The following CNOT6L variants were observed in gnomAD, a reference collection of about 807,000 sequenced individuals.
The protein encoded by CNOT6L is CCR4-NOT transcription complex subunit 6-like.
A neutral mutation model predicts 64.0 loss-of-function variants in CNOT6L; 7 were observed. The observed-to-expected ratio is 0.11, with a 90% CI of 0.06 to 0.21. The LOEUF is 0.21. CNOT6L is among the 10% of genes least tolerant of loss of function. The pLI, the probability that CNOT6L is intolerant of heterozygous loss-of-function variation, is 1.00. For synonymous variants in CNOT6L, 193 were observed against 243.4 expected, an observed-to-expected ratio of 0.79 and a Z score of 1.93; for missense variants, 245 against 669.0, an observed-to-expected ratio of 0.37 and a Z score of 6.99.
chr4:77,805,586 A>G (rs577899694), intron 1 of CNOT6L, among the ~76,000 whole-genome samples: 3 of 152,342 alleles, frequency 2.0e-5, no homozygotes, highest in African/African-American at 4.8e-5. Flanking sequence ...CAAAATATCT[A>G]TATGTACCAG....
chr4:77,722,023 T>G (rs182669388), intron 11 of CNOT6L, among the ~76,000 whole-genome samples: 1 of 152,078 alleles, frequency 6.6e-6, no homozygotes, highest in East Asian at 1.9e-4. Context: ...AACCTTACTT[T>G]ACCACAAATT....
At chr4:77,818,946 C>T (rs1286298325) in intron 1 of CNOT6L, 1 of 643,222 alleles carries the variant, frequency 1.6e-6, no homozygotes. Context: ...CAGCCCTCCC[C>T]GGCCGGCCCC....
At chr4:77,745,510 C>T (rs140375363) in intron 6 of CNOT6L, among the ~76,000 whole-genome samples, 105 of 152,288 alleles carry the variant, frequency 6.9e-4, no homozygotes, top group Middle Eastern at 3.4e-3. Flanking sequence ...TAATCAATCA[C>T]CTGGGAATTT....
At chr4:77,731,196 G>C (rs543217677) in intron 9 of CNOT6L, among the ~76,000 whole-genome samples, 191 bp downstream of exon 9, 23 of 152,104 alleles carry the variant, frequency 1.5e-4, no homozygotes, top group African/African-American at 5.1e-4. Flanking sequence ...CTGTGATAGA[G>C]AGCACAAAAT....
At chr4:77,780,567 G>A (rs558370645) in intron 1 of CNOT6L, among the ~76,000 whole-genome samples, 28 of 152,210 alleles carry the variant, frequency 1.8e-4, no homozygotes, top group Middle Eastern at 3.4e-3. Context: ...ATTTCTTAGC[G>A]TGTCTCCTAC....
intron 1 of CNOT6L, among the ~76,000 whole-genome samples, chr4:77,784,615 C>T (rs780156415): frequency 6.6e-6 from 1 of 151,780 alleles, no homozygotes; most frequent in Non-Finnish European, 1.5e-5. Context: ...GTCTGAGTAC[C>T]GAGGACTACA....
intron 4 of CNOT6L, among the ~76,000 whole-genome samples, chr4:77,769,552 TATTG>T (rs968887503): frequency 1.1e-4 from 16 of 152,162 alleles, no homozygotes; most frequent in Non-Finnish European, 1.5e-5. Context: ...TTCTTTTTCT[TATTG>T]ATTTTTAGAA....
Position 77,773,172 on chromosome 4 carries a change from T to A in CNOT6L, c.315-6A>T, listed in dbSNP as rs1560415718. ...TGTTATTTAAAAGCAATTCCCTGTT[T>A]TAAAAAAAAAAAAAAAATTAGTTTA... is the stretch of plus-strand genomic sequence containing the variant. On this transcript the variant is annotated splice_region_variant and splice_polypyrimidine_tract_variant and intron_variant, in intron 3 of 11. Coordinates refer to ENST00000504123, the MANE Select transcript of CNOT6L (RefSeq NM_144571.3). 5 of 1,526,562 alleles carry A rather than the reference T, an allele frequency of 3.3e-6. No homozygotes were observed. The East Asian group carries it at 9.5e-5, about 29-fold the overall frequency. 94.6% of individuals were successfully genotyped at this position (1,526,562 alleles called of 1,614,324 possible). A position where few individuals can be genotyped will look rare whatever the true frequency, so the allele number is the denominator to read the frequency against.
intron 8 of CNOT6L, among the ~76,000 whole-genome samples, chr4:77,732,146 G>C (rs1013897498): frequency 1.3e-5 from 2 of 152,072 alleles, no homozygotes; most frequent in Non-Finnish European, 2.9e-5. Flanking sequence ...AAGTTGCAAT[G>C]GGGTATAAGT....
rs369828508 is a variant in CNOT6L at position 77,749,634 on chromosome 4, C to A, written c.491-1250G>T. Among the ~76,000 whole-genome samples, 10 of 152,236 alleles carry A rather than the reference C, an allele frequency of 6.6e-5. No individual in the cohort carries two copies. The East Asian group carries it at 7.7e-4, about 12-fold the overall frequency. ...TTAAGTATAACGCAATCAACAATATCCAAAGAGCCAAAAACATAATATGAG... is the reference window on the plus strand; with the variant it reads ...TTAAGTATAACGCAATCAACAATATACAAAGAGCCAAAAACATAATATGAG... On this transcript the variant is annotated intron_variant, in intron 5 of 11. Transcript: ENST00000504123.
intron 4 of CNOT6L, among the ~76,000 whole-genome samples, chr4:77,758,628 C>T (rs926697185): frequency 4.6e-5 from 7 of 152,258 alleles, no homozygotes; most frequent in Admixed American, 1.3e-4. Flanking sequence ...AAGTCCACAG[C>T]TAGAACTAGA....
At chr4:77,816,881 T>C (rs1342909187) in intron 1 of CNOT6L, among the ~76,000 whole-genome samples, 1 of 152,154 alleles carries the variant, frequency 6.6e-6, no homozygotes, top group Non-Finnish European at 1.5e-5. Flanking sequence ...GACATTATTT[T>C]TTCCACACAG....
intron 4 of CNOT6L, among the ~76,000 whole-genome samples, chr4:77,769,284 C>T (rs1274302030): frequency 2.0e-5 from 3 of 152,030 alleles, no homozygotes; most frequent in South Asian, 4.1e-4. Flanking sequence ...AAGACATAAT[C>T]GTGAAAGAAA....
chr4:77,808,462 CAAAAAAA>C (rs1191618329), intron 1 of CNOT6L, among the ~76,000 whole-genome samples: 13 of 59,734 alleles, frequency 2.2e-4, no homozygotes, highest in Admixed American at 8.0e-4. Flanking sequence ...TCTGCCATCT[CAAAAAAA>C]AAAAAAAAAA....
At chr4:77,767,980 C>CCA (rs1553892193) in intron 4 of CNOT6L, among the ~76,000 whole-genome samples, 1 of 87,128 alleles carries the variant, frequency 1.1e-5, no homozygotes, top group Non-Finnish European at 2.2e-5. Flanking sequence ...ACTTTGTCCC[C>CCA]AAAAAAAAAA....
At chr4:77,758,690 T>C (rs1457704220) in intron 4 of CNOT6L, among the ~76,000 whole-genome samples, 1 of 152,188 alleles carries the variant, frequency 6.6e-6, no homozygotes, top group Admixed American at 6.5e-5. Flanking sequence ...TCCATGTAGA[T>C]TAGCTTGAGA....
chr4:77,719,099 T>G lies in CNOT6L; in HGVS notation c.*1332A>C, dbSNP rs1016613728. On this transcript the variant is annotated 3_prime_UTR_variant, in exon 12 of 12. Transcript: ENST00000504123. ...CAGACACAACCTTTTCCTGTTACTGTGCCATAATTAACATCAAGTAGCCAA... is the reference window on the plus strand; with the variant it reads ...CAGACACAACCTTTTCCTGTTACTGGGCCATAATTAACATCAAGTAGCCAA... 1.3e-5 allele frequency: 2 copies of G among 152,594 alleles called. No homozygotes were observed. The highest frequency in any genetic ancestry group is 1.3e-4 in the Admixed American group (2 of 15,266). 9.5% of individuals were successfully genotyped at this position (152,594 alleles called of 1,614,324 possible). A position where few individuals can be genotyped will look rare whatever the true frequency, so the allele number is the denominator to read the frequency against.
intron 1 of CNOT6L, among the ~76,000 whole-genome samples, chr4:77,801,046 G>A (rs1171697490): frequency 6.6e-6 from 1 of 152,142 alleles, no homozygotes; most frequent in East Asian, 1.9e-4. Flanking sequence ...AAGGTTAGAA[G>A]GGAAAGGGTG....
intron 4 of CNOT6L, among the ~76,000 whole-genome samples, chr4:77,759,528 G>A (rs62302668): frequency 0.014 from 2,116 of 151,540 alleles, 27 homozygotes; most frequent in Non-Finnish European, 0.023. Flanking sequence ...TTGCGCCACT[G>A]CACTCCAGCC....
Sources: allele counts gnomAD v4.1 joint callset (sites outside exome capture counted in the v4.1 genomes callset), GRCh38; gene constraint gnomAD v4.1.1; transcripts MANE v1.5; gene names NCBI Gene and HGNC (gene_info 2026-07-23, HGNC 2026-07-21).